The following BCAR1 variants were observed in gnomAD, a reference collection of about 807,000 sequenced individuals.
BCAR1 encodes the protein breast cancer anti-estrogen resistance protein 1.
A neutral mutation model predicts 67.6 loss-of-function variants in BCAR1; 30 were observed. The observed-to-expected ratio is 0.44, with a 90% CI of 0.33 to 0.60. BCAR1 has a LOEUF of 0.60. Ranked by LOEUF, BCAR1 falls within the 20% of genes least tolerant of loss-of-function variation. BCAR1 has a pLI of 0.02. For missense variants in BCAR1, 1,313 were observed against 1,222.3 expected (o/e 1.07, Z -1.11); for synonymous variants, 626 against 556.7 (o/e 1.12, Z -1.75).
At chr16:75,248,007 C>G (rs1025613934) in intron 1 of BCAR1, 14 of 1,119,058 alleles carry the variant, frequency 1.3e-5, no homozygotes, top group Non-Finnish European at 1.6e-5. Context: ...TCCCACACAG[C>G]CACCAGCTCA....
At chr16:75,263,802 T>C in intron 1 of BCAR1, 1 of 987,932 alleles carries the variant, frequency 1.0e-6, no homozygotes, top group Non-Finnish European at 1.2e-6. Flanking sequence ...GGGCAGGGCT[T>C]GAGCAGGCAG....
intron 1 of BCAR1, chr16:75,267,781 G>T: frequency 1.1e-6 from 1 of 910,866 alleles, no homozygotes; most frequent in Non-Finnish European, 1.7e-6. Flanking sequence ...GCCCAAGGGA[G>T]GGGCGCAGAT....
chr16:75,238,659 C>T, intron 2 of BCAR1: 1 of 986,094 alleles, frequency 1.0e-6, no homozygotes, highest in South Asian at 4.7e-5. Flanking sequence ...AGAGTCCCGG[C>T]TGGGGGCCTC....
At chr16:75,236,683 G>A (rs1312492832) in intron 4 of BCAR1, 199 bp downstream of exon 4, 15 of 1,120,484 alleles carry the variant, frequency 1.3e-5, no homozygotes, top group African/African-American at 3.2e-5. Flanking sequence ...CGCAACAGGC[G>A]GTTCTGCCGA....
chr16:75,256,000 AAAAC>A (rs1257893380), upstream of BCAR1: 1 of 152,438 alleles, frequency 6.6e-6, no homozygotes, highest in Non-Finnish European at 1.5e-5. Flanking sequence ...CAAAAAAACA[AAAAC>A]AAAACCCAGG....
chr16:75,230,388 C>G (rs973032652), intron 6 of BCAR1, among the ~76,000 whole-genome samples: 1 of 152,166 alleles, frequency 6.6e-6, no homozygotes, highest in Admixed American at 6.5e-5. Context: ...CTGAAGGGCA[C>G]TGGGGACCCC....
chr16:75,251,508 G>C lies in BCAR1; in HGVS notation c.-26C>G, dbSNP rs2077678741. ...GGTGTCCGGCGGGCCTGGGGCCCCG[G>C]CTCTCGCGGGGGCGCACACCGAGCT... On this transcript the variant is annotated 5_prime_UTR_variant, in exon 1 of 7. Coordinates refer to ENST00000162330, the MANE Select transcript of BCAR1 (RefSeq NM_014567.5). The C allele has an allele frequency of 7.5e-7, 1 of 1,331,346 alleles. No individual in the cohort carries two copies. Among genetic ancestry groups the C allele is most frequent in the South Asian group, 1.9e-5 (1 of 54,048 alleles). 82.5% of individuals were successfully genotyped at this position (1,331,346 alleles called of 1,614,324 possible).
intron 1 of BCAR1, 36 bp from the exon 2 acceptor site, chr16:75,243,126 A>T: frequency 1.3e-6 from 2 of 1,548,132 alleles, no homozygotes; most frequent in Non-Finnish European, 1.7e-6. Flanking sequence ...GAACAGAAGG[A>T]TGTGCATGGG....
At position 75,261,556 on chromosome 16, in the gene BCAR1, T is replaced by C. The variant is rs371246338; in HGVS notation, c.66+6359A>G. Among the ~76,000 whole-genome samples, 19 of 152,368 alleles carry C rather than the reference T, an allele frequency of 1.2e-4. No homozygotes were observed. The South Asian group carries it at 3.9e-3, about 32-fold the overall frequency. On this transcript the variant is annotated intron_variant, in intron 1 of 6. Coordinates refer to the BCAR1 transcript ENST00000393422. ...TCCCACGGCCTGCAATGCCGCCTCA[T>C]TCCTGGGGGCACTTGGAGCAGGGCA... is the stretch of plus-strand genomic sequence containing the variant.
At position 75,235,906 on chromosome 16, in the gene BCAR1, G is replaced by A. The variant is rs766933902; in HGVS notation, c.993C>T (p.Pro331=). 3.1e-5 allele frequency: 48 copies of A among 1,564,838 alleles called. No homozygotes were observed. Among genetic ancestry groups the A allele is most frequent in the South Asian group, 1.6e-4 (14 of 85,904 alleles). ...CAAAGGGCTTGGCCTTGGCGAAGGC[G>A]GGGGGCACATCGTAGGTCTCCTCAC... The part of the protein sequence containing the change: ...LLREETYDVP[P]AFAKAKPFDP... Residue 331 remains proline, a synonymous_variant, in exon 5 of 7, where the codon CCC becomes CCT. Coordinates refer to ENST00000162330, the MANE Select transcript of BCAR1 (RefSeq NM_014567.5).
chr16:75,241,170 CGT>C (rs1476771473), intron 2 of BCAR1, among the ~76,000 whole-genome samples: 1 of 152,128 alleles, frequency 6.6e-6, no homozygotes, highest in African/African-American at 2.4e-5. Context: ...TGAGTATGCA[CGT>C]GTGTTTACAC....
chr16:75,262,933 C>G (rs1458811013), intron 1 of BCAR1, among the ~76,000 whole-genome samples: 5 of 152,216 alleles, frequency 3.3e-5, no homozygotes, highest in African/African-American at 1.2e-4. Context: ...CACCGCTCAA[C>G]AGGCTGCAGC....
At chr16:75,252,401 G>A (rs956425957), upstream of BCAR1, 32 of 1,465,398 alleles carry the variant, frequency 2.2e-5, no homozygotes, top group African/African-American at 3.4e-4. Context: ...GAGCGGCACT[G>A]GGGGAATGAG....
At position 75,235,059 on chromosome 16, in the gene BCAR1, C is replaced by T. The variant is rs1312204357; in HGVS notation, c.1840G>A (p.Gly614Arg). The T allele has an allele frequency of 6.2e-7, 1 of 1,613,044 alleles. No individual in the cohort carries two copies. Among genetic ancestry groups the T allele is most frequent in the African/African-American group, 1.3e-5 (1 of 74,940 alleles). The change falls in exon 5 of 7, where the codon GGG (glycine) becomes AGG (arginine). Residue 614 changes from glycine (G) to arginine (R), a missense_variant. Coordinates refer to ENST00000162330, the MANE Select transcript of BCAR1 (RefSeq NM_014567.5). ...TGCAGGGTGCCACCCCCCTCAGGCC[C>T]CGGGGCAGTGGCCTTGGTCCGTCTG... ...LFRRTKATAPGPEGGGTLHPN... is the reference protein window; with the variant it reads ...LFRRTKATAPRPEGGGTLHPN...
chr16:75,235,158 C>A lies in BCAR1; in HGVS notation c.1741G>T (p.Ala581Ser). 6.2e-7 allele frequency: 1 copy of A among 1,608,664 alleles called. No individual in the cohort carries two copies. Among genetic ancestry groups the A allele is most frequent in the South Asian group, 1.1e-5 (1 of 91,066 alleles). The part of the protein sequence containing the change: ...ATLEDLDRLV[A>S]CSRAVPEDAK... ...TCCTCGGGCACAGCCCGCGAGCAGG[C>A]CACCAGCCGGTCCAGGTCCTCAAGG... Residue 581 changes from alanine to serine, a missense_variant, in exon 5 of 7, where the codon GCC (alanine) becomes TCC (serine). Physicochemically the swap from Ala to Ser is moderately conservative, Grantham distance 99. Coordinates refer to ENST00000162330, the MANE Select transcript of BCAR1 (RefSeq NM_014567.5).
At chr16:75,266,593 C>G in intron 1 of BCAR1, 1 of 626,710 alleles carries the variant, frequency 1.6e-6, no homozygotes. Context: ...CCATGGTGCC[C>G]ACACATGGCA....
intron 1 of BCAR1, among the ~76,000 whole-genome samples, chr16:75,260,516 C>G (rs550186676): frequency 3.1e-4 from 47 of 151,930 alleles, no homozygotes; most frequent in Admixed American, 1.2e-3. Flanking sequence ...TGCCTGTAAT[C>G]CCAGCTACTT....
Position 75,233,873 on chromosome 16 carries a change from C to T in BCAR1, c.2073G>A (p.Gln691=). The change falls in exon 6 of 7, where the codon CAG becomes CAA. Residue 691 remains glutamine (Q), a synonymous_variant. Coordinates refer to ENST00000162330, the MANE Select transcript of BCAR1 (RefSeq NM_014567.5). ...ELLEKGSITR[Q]GKSQLELQQL... ...GCTGCAACTCCAGCTGGCTCTTGCCCTGCCGCGTGATGCTGCCCTTTTCCA... is the reference window on the plus strand; with the variant it reads ...GCTGCAACTCCAGCTGGCTCTTGCCTTGCCGCGTGATGCTGCCCTTTTCCA... 1 of 1,609,908 alleles carries T rather than the reference C, an allele frequency of 6.2e-7. No homozygotes were observed. The highest frequency in any genetic ancestry group is 8.5e-7 in the Non-Finnish European group (1 of 1,178,330).
chr16:75,266,816 CGG>C, intron 1 of BCAR1: 1 of 1,356,370 alleles, frequency 7.4e-7, no homozygotes, highest in Non-Finnish European at 9.6e-7. Flanking sequence ...AGCACTGTCC[CGG>C]AGGTCAGCGC....
Sources: allele counts gnomAD v4.1 joint callset (sites outside exome capture counted in the v4.1 genomes callset), GRCh38; gene constraint gnomAD v4.1.1; transcripts MANE v1.5; gene names NCBI Gene and HGNC (gene_info 2026-07-23, HGNC 2026-07-21).